Variants in DPYSL5 observed in about 807,000 individuals in gnomAD.
DPYSL5 encodes dihydropyrimidinase-related protein 5.
A neutral mutation model predicts 58.4 loss-of-function variants in DPYSL5; 9 were observed. That is an observed-to-expected ratio of 0.15 (90% CI 0.09 to 0.27). The LOEUF is 0.27. DPYSL5 is among the 10% of genes least tolerant of loss of function. The pLI is 1.00. For synonymous variants in DPYSL5, 293 were observed against 301.9 expected, an observed-to-expected ratio of 0.97 and a Z score of 0.31; for missense variants, 499 against 770.6, an observed-to-expected ratio of 0.65 and a Z score of 4.17.
At chr2:26,906,390 G>T (rs1221783368) in intron 2 of DPYSL5, among the ~76,000 whole-genome samples, 1 of 151,906 alleles carries the variant, frequency 6.6e-6, no homozygotes, top group Admixed American at 6.5e-5. Flanking sequence ...CACCATGTTG[G>T]CCAGGATGGT....
At chr2:26,920,240 T>C (rs1379242423) in intron 2 of DPYSL5, among the ~76,000 whole-genome samples, 1 of 152,154 alleles carries the variant, frequency 6.6e-6, no homozygotes, top group Non-Finnish European at 1.5e-5. Context: ...TCTGTTAAGT[T>C]TGAGTAGTGG....
At chr2:26,897,758 C>T (rs1458301109) in intron 1 of DPYSL5, among the ~76,000 whole-genome samples, 2 of 152,146 alleles carry the variant, frequency 1.3e-5, no homozygotes, top group Non-Finnish European at 2.9e-5. Context: ...AAAAAGTTCT[C>T]CAGCTTTTGA....
chr2:26,893,952 T>C (rs1323335699), intron 1 of DPYSL5, among the ~76,000 whole-genome samples: 1 of 152,028 alleles, frequency 6.6e-6, no homozygotes, highest in African/African-American at 2.4e-5. Flanking sequence ...AGCCTGAATG[T>C]AAATATTTTC....
chr2:26,948,738 TC>T lies in DPYSL5; in HGVS notation c.*1746del, dbSNP rs1424220187. The T allele has an allele frequency of 6.6e-6, 1 of 152,552 alleles. No homozygotes were observed. The highest frequency in any genetic ancestry group is 1.5e-5 in the Non-Finnish European group (1 of 68,324). 9.4% of individuals were successfully genotyped at this position (152,552 alleles called of 1,614,324 possible). ...CAGGCGTGGTGGCGGGCGCCTGTAGTCCCAGCTACTGAGGAGGCTGAGGCAG... is the reference window on the plus strand; with the variant it reads ...CAGGCGTGGTGGCGGGCGCCTGTAGTCCAGCTACTGAGGAGGCTGAGGCAG... On this transcript the variant is annotated 3_prime_UTR_variant, in exon 13 of 13. Transcript: ENST00000288699.
chr2:26,906,208 AGAGTCTTGCTCTGTC>A (rs1664284485), intron 2 of DPYSL5, among the ~76,000 whole-genome samples: 1 of 145,412 alleles, frequency 6.9e-6, no homozygotes, highest in Admixed American at 7.0e-5. Context: ...TTTTTGAGAC[AGAGTCTTGCTCTGTC>A]ACCAGGCTGG....
At chr2:26,886,398 A>G (rs1363324293) in intron 1 of DPYSL5, among the ~76,000 whole-genome samples, 2 of 152,216 alleles carry the variant, frequency 1.3e-5, no homozygotes, top group East Asian at 3.8e-4. Context: ...TGTAGGTCAT[A>G]AATATTTTAT....
At chr2:26,871,312 A>G (rs1427237176) in intron 1 of DPYSL5, among the ~76,000 whole-genome samples, 3 of 152,202 alleles carry the variant, frequency 2.0e-5, no homozygotes, top group Non-Finnish European at 4.4e-5. Context: ...CACCATCTGT[A>G]TGACTGTTTA....
intron 1 of DPYSL5, among the ~76,000 whole-genome samples, chr2:26,854,539 C>T (rs1008349004): frequency 2.0e-5 from 3 of 152,160 alleles, no homozygotes; most frequent in Admixed American, 2.0e-4. Context: ...GTACCTCAAG[C>T]TGAGAACCTT....
Position 26,945,160 on chromosome 2 carries a change from C to G in DPYSL5, c.1609+336C>G, listed in dbSNP as rs187146349. 2.7e-3 allele frequency among the ~76,000 whole-genome samples: 411 copies of G among 152,082 alleles called. 1 individual carries two copies. Among genetic ancestry groups the G allele is most frequent in the African/African-American group, 9.6e-3 (397 of 41,462 alleles). On this transcript the variant is annotated intron_variant, in intron 12 of 12. Coordinates refer to ENST00000288699, the MANE Select transcript of DPYSL5 (RefSeq NM_020134.4). ...ATGCCCTGAGCTCAGAAGAGTCAGC[C>G]CTGTCTGTGGTTCACGGGACTGCAC...
At position 26,877,111 on chromosome 2, in the gene DPYSL5, C is replaced by T. The variant is rs948865861; in HGVS notation, c.-4-21385C>T. ...CCTCCCGAGTAGCTGGGATTATAGG[C>T]GCCTGCCACCAAGCCCGGCTAATTT... On this transcript the variant is annotated intron_variant, in intron 1 of 12. Transcript: ENST00000288699. This position sits in a 1 kb window ranked among gnomAD's most constrained non-coding sequence, Gnocchi z 4.1. Among the ~76,000 whole-genome samples the T allele has an allele frequency of 1.3e-5, 2 of 151,108 alleles. No homozygotes were observed. Among genetic ancestry groups the T allele is most frequent in the Admixed American group, 6.6e-5 (1 of 15,158 alleles).
rs985065431 is a variant in DPYSL5, at chr2:26,947,037, C to T, written c.*42C>T. ...CCCGAGTGAGGACGCACCGCCGCCA[C>T]CAGCCCGCAACTCTCCAGCCGAAGC... On this transcript the variant is annotated 3_prime_UTR_variant, in exon 13 of 13. Transcript: ENST00000288699. This position sits in a 1 kb window ranked among gnomAD's most constrained non-coding sequence, Gnocchi z 4.2. 3.5e-5 allele frequency: 53 copies of T among 1,499,414 alleles called. No homozygotes were observed. The highest frequency in any genetic ancestry group is 4.7e-5 in the Non-Finnish European group (51 of 1,085,088). The allele number at this position is 1,499,414 out of a possible 1,614,324, so 92.9% of individuals were successfully genotyped here. A position where few individuals can be genotyped will look rare whatever the true frequency, so the allele number is the denominator to read the frequency against.
chr2:26,907,909 G>A (rs1396463041), intron 2 of DPYSL5, among the ~76,000 whole-genome samples: 2 of 152,166 alleles, frequency 1.3e-5, no homozygotes, highest in African/African-American at 2.4e-5. Flanking sequence ...TAGCCCTAAC[G>A]GTGTAGTCGA....
rs1423138546 is a variant in DPYSL5, at chr2:26,941,154, G to A, written c.1090-796G>A. Among the ~76,000 whole-genome samples the A allele has an allele frequency of 4.0e-5, 6 of 151,720 alleles. 1 individual carries two copies. Among genetic ancestry groups the A allele is most frequent in the African/African-American group, 7.3e-5 (3 of 41,326 alleles). On this transcript the variant is annotated intron_variant, in intron 9 of 12. Coordinates refer to ENST00000288699, the MANE Select transcript of DPYSL5 (RefSeq NM_020134.4). ...TTTTCACCATGTTGGTTGGTCAGATGGTCTCGATCTCTTGACCTCGTGATC... is the reference window on the plus strand; with the variant it reads ...TTTTCACCATGTTGGTTGGTCAGATAGTCTCGATCTCTTGACCTCGTGATC...
At position 26,849,159 on chromosome 2, in the gene DPYSL5, C is replaced by G. The variant is rs1373085770; in HGVS notation, c.-5+905C>G. ...GAAAGAGAAGGGGCGGGGGCGGGTC[C>G]GAAGAACGAGGGAAGGAGCTCGGTG... On this transcript the variant is annotated intron_variant, in intron 1 of 12. Coordinates refer to ENST00000288699, the MANE Select transcript of DPYSL5 (RefSeq NM_020134.4). This position sits in a 1 kb window ranked among gnomAD's most constrained non-coding sequence, Gnocchi z 6.2. 1.3e-5 allele frequency among the ~76,000 whole-genome samples: 2 copies of G among 149,700 alleles called. No homozygotes were observed. The highest frequency in any genetic ancestry group is 1.3e-4 in the Admixed American group (2 of 15,052).
chr2:26,920,871 C>T (rs1209632728), intron 2 of DPYSL5, among the ~76,000 whole-genome samples: 1 of 152,192 alleles, frequency 6.6e-6, no homozygotes, highest in African/African-American at 2.4e-5. Flanking sequence ...TGAATCAAGT[C>T]TTTTTCACTC....
At position 26,857,943 on chromosome 2, in the gene DPYSL5, G is replaced by A. The variant is rs1377657956; in HGVS notation, c.-5+9689G>A. 2.6e-5 allele frequency among the ~76,000 whole-genome samples: 4 copies of A among 152,334 alleles called. No homozygotes were observed. The South Asian group carries it at 8.3e-4, about 32-fold the overall frequency. Reference sequence around the variant, plus strand: ...GATGGCAGTGATGGGCATGGCCAGTGTGCATAAAGGACAGTGGTTGAGGCA... The same window carrying A: ...GATGGCAGTGATGGGCATGGCCAGTATGCATAAAGGACAGTGGTTGAGGCA... On this transcript the variant is annotated intron_variant, in intron 1 of 12. Coordinates refer to ENST00000288699, the MANE Select transcript of DPYSL5 (RefSeq NM_020134.4).
chr2:26,943,716 A>G (rs1253819427), intron 11 of DPYSL5, among the ~76,000 whole-genome samples: 1 of 152,230 alleles, frequency 6.6e-6, no homozygotes, highest in Non-Finnish European at 1.5e-5. Flanking sequence ...ATGTAGGTAT[A>G]GTATTATGGG....
chr2:26,900,111 A>G (rs1001973264), intron 2 of DPYSL5, among the ~76,000 whole-genome samples: 4 of 152,206 alleles, frequency 2.6e-5, no homozygotes, highest in African/African-American at 9.6e-5. Context: ...TTGTAAGTAC[A>G]CAGAATTACC....
chr2:26,875,522 CAG>C (rs1420717245), intron 1 of DPYSL5, among the ~76,000 whole-genome samples: 1 of 152,218 alleles, frequency 6.6e-6, no homozygotes, highest in Non-Finnish European at 1.5e-5. Context: ...CCTTTGCACA[CAG>C]GCTTGGGCTC....
Sources: gnomAD v4.1 joint callset for allele counts (sites outside exome capture counted in the v4.1 genomes callset) on GRCh38, gnomAD v4.1.1 for gene constraint, Gnocchi (gnomAD v3.1) non-coding constraint, MANE v1.5 for transcripts, NCBI Gene and HGNC (gene_info 2026-07-23, HGNC 2026-07-21) for gene names.